TNRC18: variants seen among roughly 807,000 people sequenced by gnomAD.
TNRC18 encodes the protein trinucleotide repeat-containing gene 18 protein.
A neutral mutation model predicts 226.7 loss-of-function variants in TNRC18; 69 were observed. That is an observed-to-expected ratio of 0.30 (90% CI 0.25 to 0.37). TNRC18 has a LOEUF of 0.37. TNRC18 is among the 10% of genes least tolerant of loss of function. The pLI is 1.00. For missense variants in TNRC18, 4,754 were observed against 4,256.6 expected (o/e 1.12, Z -3.25); for synonymous variants, 2,449 against 1,927.6 (o/e 1.27, Z -7.09).
intron 16 of TNRC18, among the ~76,000 whole-genome samples, chr7:5,356,550 CCAAACAGCCG>C (rs1257275192): frequency 6.6e-6 from 1 of 152,248 alleles, no homozygotes; most frequent in East Asian, 1.9e-4. Context: ...CCTCTCTAGG[CCAAACAGCCG>C]CAAACTCTAT....
intron 4 of TNRC18, chr7:5,390,142 T>C (rs756821089): frequency 3.7e-5 from 16 of 430,916 alleles, no homozygotes; most frequent in South Asian, 7.0e-5. Flanking sequence ...GGTAGGAGGA[T>C]TGCTTGAGGC....
intron 9 of TNRC18, among the ~76,000 whole-genome samples, chr7:5,374,830 C>T (rs1562572754): frequency 6.6e-6 from 1 of 152,236 alleles, no homozygotes; most frequent in East Asian, 1.9e-4. Context: ...CACAAGGCCC[C>T]ACACCTCGAT....
intron 14 of TNRC18, among the ~76,000 whole-genome samples, 153 bp from the exon 15 acceptor site, chr7:5,359,722 C>T (rs1792833224): frequency 6.6e-6 from 1 of 152,140 alleles, no homozygotes; most frequent in African/African-American, 2.4e-5. Context: ...TCTTGTAAAA[C>T]AACAGTGCTG....
chr7:5,342,706 G>A (rs997077834), intron 18 of TNRC18, among the ~76,000 whole-genome samples: 2 of 152,192 alleles, frequency 1.3e-5, no homozygotes, highest in African/African-American at 4.8e-5. Flanking sequence ...AATGACAAAG[G>A]ATTTAGAATA....
At chr7:5,351,760 C>T in intron 17 of TNRC18, 59 bp downstream of exon 17, 2 of 1,491,274 alleles carry the variant, frequency 1.3e-6, no homozygotes, top group Admixed American at 2.4e-5. Context: ...CTCTCGCTCA[C>T]TCGCACGCAC....
intron 3 of TNRC18, among the ~76,000 whole-genome samples, chr7:5,393,402 G>A (rs1204058696): frequency 1.3e-5 from 2 of 152,240 alleles, no homozygotes; most frequent in Non-Finnish European, 2.9e-5. Flanking sequence ...ACTGGATGGG[G>A]TCCTGTGACT....
Position 5,357,143 on chromosome 7 carries a change from G to C in TNRC18, c.4967C>G (p.Ser1656Trp), listed in dbSNP as rs1173699976. The change falls in exon 16 of 30, where the codon TCG (serine) becomes TGG (tryptophan). Residue 1656 changes from serine to tryptophan, a missense_variant. Ser to Trp is a radical substitution (Grantham distance 177, BLOSUM62 -3). Transcript: ENST00000430969. ...CCTGCCGCAGCCCCCGCTAGTTTTCGATTTCCCCCCAGCACTGTCCGAAAA... is the reference window on the plus strand; with the variant it reads ...CCTGCCGCAGCCCCCGCTAGTTTTCCATTTCCCCCCAGCACTGTCCGAAAA... ...FKFSDSAGGK[S>W]KTSGGCGRYL... 7.6e-6 allele frequency: 12 copies of C among 1,571,622 alleles called. No individual in the cohort carries two copies. The highest frequency in any genetic ancestry group is 2.6e-6 in the Non-Finnish European group (3 of 1,157,654).
At chr7:5,318,692 A>G (rs146873337) in intron 24 of TNRC18, among the ~76,000 whole-genome samples, 5,473 of 152,272 alleles carry the variant, frequency 0.036, 333 homozygotes, top group African/African-American at 0.12. Flanking sequence ...GTCTCCTACA[A>G]TGATTTTGGA....
At chr7:5,332,548 G>C in intron 19 of TNRC18, 74 bp downstream of exon 19, 1 of 1,438,292 alleles carries the variant, frequency 7.0e-7, no homozygotes, top group Non-Finnish European at 9.1e-7. Context: ...CCCTAGGCTG[G>C]GAGGGGAGAG....
Position 5,397,020 on chromosome 7 carries a change from G to A in TNRC18, c.188-2425C>T, listed in dbSNP as rs542206214. 4.7e-4 allele frequency among the ~76,000 whole-genome samples: 72 copies of A among 152,286 alleles called. 1 individual carries two copies. The highest frequency in any genetic ancestry group is 1.6e-3 in the African/African-American group (68 of 41,562). On this transcript the variant is annotated intron_variant, in intron 2 of 29. Transcript: ENST00000430969. ...CCTCCACCTTGGGCCCCAAAGACAGGAGTGGGCAGAGCAGCAAGGGGTGCC... is the reference window on the plus strand; with the variant it reads ...CCTCCACCTTGGGCCCCAAAGACAGAAGTGGGCAGAGCAGCAAGGGGTGCC...
At chr7:5,410,310 C>CAAAAAAAAAA (rs1157425008) in intron 2 of TNRC18, among the ~76,000 whole-genome samples, 1 of 66,218 alleles carries the variant, frequency 1.5e-5, no homozygotes, top group South Asian at 5.6e-4. Flanking sequence ...GACTCTGTCT[C>CAAAAAAAAAA]AAAAAAAAAA....
chr7:5,315,224 C>CG, intron 25 of TNRC18, 76 bp from the exon 26 acceptor site: 1 of 1,478,818 alleles, frequency 6.8e-7, no homozygotes, highest in Non-Finnish European at 9.0e-7. Flanking sequence ...TGGTCTGTCC[C>CG]GGGGATCAGG....
intron 2 of TNRC18, among the ~76,000 whole-genome samples, chr7:5,396,481 A>G (rs999526043): frequency 6.6e-6 from 1 of 152,168 alleles, no homozygotes; most frequent in African/African-American, 2.4e-5. Flanking sequence ...TGTGACTGCA[A>G]TTACAACACT....
At chr7:5,321,015 G>A (rs368642607) in intron 22 of TNRC18, 58 bp downstream of exon 22, 231 of 1,268,112 alleles carry the variant, frequency 1.8e-4, no homozygotes, top group African/African-American at 3.1e-4. Flanking sequence ...AGAGGCGGCC[G>A]GGACACGGGG....
chr7:5,353,977 C>T (rs192995283), intron 16 of TNRC18, among the ~76,000 whole-genome samples: 10 of 152,102 alleles, frequency 6.6e-5, no homozygotes, highest in Admixed American at 2.6e-4. Flanking sequence ...CCGAGGCAGG[C>T]GGATCACCTG....
rs567445568 is a variant in TNRC18, at chr7:5,312,728, C to T, written c.8163G>A (p.Thr2721=). The T allele has an allele frequency of 7.8e-5, 121 of 1,555,100 alleles. No homozygotes were observed. In the African/African-American group the frequency reaches 9.4e-4, roughly 12 times the overall value. The change falls in exon 27 of 30, where the codon ACG becomes ACA. Residue 2721 remains threonine (T), a synonymous_variant. Transcript: ENST00000430969. The surrounding 1 kb of genome is among the most constrained non-coding windows in gnomAD (Gnocchi z 6.3). The part of the protein sequence containing the change: ...RPSAHSPGKK[T]PAPQPQAPPP... ...GAGGCGCCTGGGGCTGGGGCGCGGG[C>T]GTCTTCTTGCCTGGGGAGTGGGCCG...
At chr7:5,412,563 G>A (rs531837788) in intron 2 of TNRC18, among the ~76,000 whole-genome samples, 53 of 151,930 alleles carry the variant, frequency 3.5e-4, no homozygotes, top group African/African-American at 1.1e-3. Context: ...GAGACAGAGC[G>A]AGACACTGTC....
At chr7:5,332,434 A>T (rs577465103) in intron 19 of TNRC18, among the ~76,000 whole-genome samples, 188 bp downstream of exon 19, 1 of 152,194 alleles carries the variant, frequency 6.6e-6, no homozygotes, top group Non-Finnish European at 1.5e-5. Context: ...TTGACTCTTA[A>T]GAAACAAAGG....
At chr7:5,338,579 T>C (rs1480877281) in intron 18 of TNRC18, among the ~76,000 whole-genome samples, 4 of 144,904 alleles carry the variant, frequency 2.8e-5, no homozygotes, top group African/African-American at 5.2e-5. Flanking sequence ...TGAGCTTAGA[T>C]TGTGTCACTG....
Sources: allele counts gnomAD v4.1 joint callset (sites outside exome capture counted in the v4.1 genomes callset), GRCh38; gene constraint gnomAD v4.1.1; non-coding constraint Gnocchi (gnomAD v3.1); transcripts MANE v1.5; gene names NCBI Gene and HGNC (gene_info 2026-07-23, HGNC 2026-07-21).